JAKMIP1: variants seen among roughly 807,000 people sequenced by gnomAD.
The protein encoded by JAKMIP1 is janus kinase and microtubule-interacting protein 1.
JAKMIP1 carries 33 observed loss-of-function variants against 113.0 expected under a neutral mutation model. The observed-to-expected ratio is 0.29, with a 90% confidence interval of 0.22 to 0.39. The LOEUF (loss-of-function observed/expected upper bound fraction) is 0.39. Among genes scored for constraint, JAKMIP1 ranks in the 10% least tolerant of loss-of-function variants. The pLI, the probability that JAKMIP1 is intolerant of heterozygous loss-of-function variation, is 1.00. For missense variants in JAKMIP1, 813 were observed against 1,080.5 expected, an observed-to-expected ratio of 0.75 and a Z score of 3.47; for synonymous variants, 480 against 459.9, an observed-to-expected ratio of 1.04 and a Z score of -0.56.
chr4:6,079,316 G>A (rs528477295), intron 7 of JAKMIP1, among the ~76,000 whole-genome samples: 23 of 152,320 alleles, frequency 1.5e-4, no homozygotes, highest in African/African-American at 4.8e-4. Context: ...GAAAGAATGG[G>A]TGAGTGGATG....
intron 18 of JAKMIP1, among the ~76,000 whole-genome samples, chr4:6,037,732 ACCG>A (rs1713710620): frequency 7.2e-6 from 1 of 138,634 alleles, no homozygotes; most frequent in African/African-American, 2.8e-5. Context: ...GCCCTCCATC[ACCG>A]AGGCAGAGGC....
chr4:6,087,071 A>C (rs1721409447), intron 3 of JAKMIP1, among the ~76,000 whole-genome samples: 1 of 152,238 alleles, frequency 6.6e-6, no homozygotes, highest in Non-Finnish European at 1.5e-5. Context: ...CGGCAGCTGC[A>C]AGGAAACAGA....
chr4:6,051,256 C>G lies in JAKMIP1; in HGVS notation c.1807-577G>C, dbSNP rs1233651170. On this transcript the variant is annotated intron_variant, in intron 13 of 20. Coordinates refer to ENST00000409021, the MANE Select transcript of JAKMIP1 (RefSeq NM_001099433.2). The surrounding 1 kb of genome is among the most constrained non-coding windows in gnomAD (Gnocchi z 5.0). ...TTTTTTTTTGAGAGGGTGTTCTGTT[C>G]TTGTCGCCCAGGCTGGAGTGCAATG... 7.7e-6 allele frequency among the ~76,000 whole-genome samples: 1 copy of G among 129,330 alleles called. No individual in the cohort carries two copies. The highest frequency in any genetic ancestry group is 1.6e-5 in the Non-Finnish European group (1 of 61,790). The allele number at this position is 129,330 out of a possible 152,430, so 84.8% of individuals were successfully genotyped here.
Position 6,065,127 on chromosome 4 carries a change from A to G in JAKMIP1, c.1303-119T>C. The G allele has an allele frequency of 8.0e-7, 1 of 1,253,560 alleles. No homozygotes were observed. The highest frequency in any genetic ancestry group is 2.3e-5 in the East Asian group (1 of 42,940). 77.7% of individuals were successfully genotyped at this position (1,253,560 alleles called of 1,614,324 possible). ...TGATTGACATTTGGGCCACTGGGGCATCACAAGATGCGGTTGGTGGGCTTC... is the reference window on the plus strand; with the variant it reads ...TGATTGACATTTGGGCCACTGGGGCGTCACAAGATGCGGTTGGTGGGCTTC... On this transcript the variant is annotated intron_variant, in intron 8 of 20. Transcript: ENST00000409021. This position sits in a 1 kb window ranked among gnomAD's most constrained non-coding sequence, Gnocchi z 5.1.
chr4:6,091,072 T>C (rs1722002946), intron 3 of JAKMIP1, among the ~76,000 whole-genome samples: 1 of 152,208 alleles, frequency 6.6e-6, no homozygotes, highest in Non-Finnish European at 1.5e-5. Flanking sequence ...GACAAAGAAA[T>C]GAAACCAGCA....
At chr4:6,177,223 A>C (rs548685884) in intron 1 of JAKMIP1, among the ~76,000 whole-genome samples, 1 of 152,304 alleles carries the variant, frequency 6.6e-6, no homozygotes, top group Non-Finnish European at 1.5e-5. Flanking sequence ...GTAGAGAAGA[A>C]GTGAGCTCCA....
rs990112193 is a variant in JAKMIP1 at position 6,197,648 on chromosome 4, G to A, written c.-148+2605C>T. ...GAGAGGAGTGACCCAGCAGAACTGG[G>A]ACACACTGCAGTCATCCTCAGACTC... On this transcript the variant is annotated intron_variant, in intron 1 of 20. Coordinates refer to ENST00000409021, the MANE Select transcript of JAKMIP1 (RefSeq NM_001099433.2). The surrounding 1 kb of genome is among the most constrained non-coding windows in gnomAD (Gnocchi z 6.5). 3.9e-5 allele frequency among the ~76,000 whole-genome samples: 6 copies of A among 152,176 alleles called. No homozygotes were observed. Among genetic ancestry groups the A allele is most frequent in the African/African-American group, 1.4e-4 (6 of 41,452 alleles).
intron 16 of JAKMIP1, among the ~76,000 whole-genome samples, chr4:6,048,431 G>C (rs1449002523): frequency 2.0e-5 from 3 of 152,218 alleles, no homozygotes. Context: ...ACAGCTAAGA[G>C]GGGCTGAAGT....
At position 6,105,567 on chromosome 4, in the gene JAKMIP1, T is replaced by C; in HGVS notation, c.530A>G (p.Lys177Arg). Residue 177 changes from lysine (K) to arginine (R), a missense_variant, in exon 3 of 21, where the codon AAG (lysine) becomes AGG (arginine). Physicochemically the swap from Lys to Arg is conservative, Grantham distance 26 (BLOSUM62 2). This residue lies in a region of JAKMIP1 where 540 missense variants were observed against 653.9 expected (regional missense o/e 0.83). Transcript: ENST00000409021. Reference sequence around the variant, plus strand: ...GGCACGCAGGTCGGCTGCCTTGGTCTTGTCAGCCTGCATGCAGTTACTGAG... The same window carrying C: ...GGCACGCAGGTCGGCTGCCTTGGTCCTGTCAGCCTGCATGCAGTTACTGAG... Reference protein sequence around the residue: ...EALSNCMQADKTKAADLRAAY... With the variant: ...EALSNCMQADRTKAADLRAAY... 6.2e-7 allele frequency: 1 copy of C among 1,602,224 alleles called. No homozygotes were observed. The highest frequency in any genetic ancestry group is 8.5e-7 in the Non-Finnish European group (1 of 1,174,578).
intron 5 of JAKMIP1, among the ~76,000 whole-genome samples, chr4:6,083,272 G>T: frequency 6.6e-6 from 1 of 151,824 alleles, no homozygotes; most frequent in African/African-American, 2.4e-5. Flanking sequence ...GTGTGTTGGC[G>T]GGTGCCTGTA....
At chr4:6,122,221 A>T (rs1301295859) in intron 1 of JAKMIP1, among the ~76,000 whole-genome samples, 1 of 152,204 alleles carries the variant, frequency 6.6e-6, no homozygotes, top group Admixed American at 6.5e-5. Context: ...AACTGTTCAG[A>T]AGGCCGAGGC....
Position 6,129,498 on chromosome 4 carries a change from T to C in JAKMIP1, c.-147-16501A>G, listed in dbSNP as rs1718210391. Among the ~76,000 whole-genome samples, 1 of 152,138 alleles carries C rather than the reference T, an allele frequency of 6.6e-6. No individual in the cohort carries two copies. Among genetic ancestry groups the C allele is most frequent in the South Asian group, 2.1e-4 (1 of 4,824 alleles). On this transcript the variant is annotated intron_variant, in intron 1 of 20. Coordinates refer to ENST00000409021, the MANE Select transcript of JAKMIP1 (RefSeq NM_001099433.2). The surrounding 1 kb of genome is among the most constrained non-coding windows in gnomAD (Gnocchi z 5.4). ...GTTAAACACATCACCCCATTATCTG[T>C]TCAGCACAAGTTTGTGCCATGTCTC...
chr4:6,127,195 C>T (rs755642204), intron 1 of JAKMIP1, among the ~76,000 whole-genome samples: 1 of 152,192 alleles, frequency 6.6e-6, no homozygotes, highest in African/African-American at 2.4e-5. Context: ...CAGCGAGCCC[C>T]GTCCACCTCA....
At chr4:6,165,247 T>C (rs1723479896) in intron 1 of JAKMIP1, among the ~76,000 whole-genome samples, 1 of 152,240 alleles carries the variant, frequency 6.6e-6, no homozygotes, top group Admixed American at 6.5e-5. Flanking sequence ...AAAGCTCAGA[T>C]AGTCATCAGC....
Position 6,197,229 on chromosome 4 carries a change from C to T in JAKMIP1, c.-148+3024G>A, listed in dbSNP as rs1304150169. On this transcript the variant is annotated intron_variant, in intron 1 of 20. Coordinates refer to ENST00000409021, the MANE Select transcript of JAKMIP1 (RefSeq NM_001099433.2). The surrounding 1 kb of genome is among the most constrained non-coding windows in gnomAD (Gnocchi z 6.5). ...CACTGTCAGTAGGGTGGGAGCTGGT[C>T]CTCAACACAGTTCCACTGACCTAGC... Among the ~76,000 whole-genome samples, 1 of 152,136 alleles carries T rather than the reference C, an allele frequency of 6.6e-6. No individual in the cohort carries two copies. The highest frequency in any genetic ancestry group is 1.5e-5 in the Non-Finnish European group (1 of 68,012).
chr4:6,073,882 T>C (rs1000453763), intron 8 of JAKMIP1, among the ~76,000 whole-genome samples: 5 of 152,228 alleles, frequency 3.3e-5, no homozygotes, highest in African/African-American at 4.8e-5. Context: ...CCATTATGCA[T>C]ATGCTTAGAA....
rs1468764477 is a variant in JAKMIP1 at position 6,168,684 on chromosome 4, A to G, written c.-148+31569T>C. Among the ~76,000 whole-genome samples, 1 of 152,054 alleles carries G rather than the reference A, an allele frequency of 6.6e-6. No individual in the cohort carries two copies. The highest frequency in any genetic ancestry group is 2.4e-5 in the African/African-American group (1 of 41,394). On this transcript the variant is annotated intron_variant, in intron 1 of 20. Transcript: ENST00000409021. The surrounding 1 kb of genome is among the most constrained non-coding windows in gnomAD (Gnocchi z 4.6). Reference sequence around the variant, plus strand: ...GGCGGGCAGATTTTTTGAGTCCAAGAGTCCAAGACCAGCTTGGACAGGATG... The same window carrying G: ...GGCGGGCAGATTTTTTGAGTCCAAGGGTCCAAGACCAGCTTGGACAGGATG...
chr4:6,097,794 G>C lies in JAKMIP1; in HGVS notation c.624+7679C>G, dbSNP rs951358827. Among the ~76,000 whole-genome samples the C allele has an allele frequency of 6.6e-6, 1 of 152,172 alleles. No homozygotes were observed. Among genetic ancestry groups the C allele is most frequent in the Non-Finnish European group, 1.5e-5 (1 of 68,038 alleles). ...ATTCCATGGGAAAAGCCAGGCCCAC[G>C]CTTCCTTAGGCAGCTTGGAGAAACG... is the stretch of plus-strand genomic sequence containing the variant. On this transcript the variant is annotated intron_variant, in intron 3 of 20. Transcript: ENST00000409021. This position sits in a 1 kb window ranked among gnomAD's most constrained non-coding sequence, Gnocchi z 4.3.
Position 6,197,846 on chromosome 4 carries a change from T to C in JAKMIP1, c.-148+2407A>G, listed in dbSNP as rs1391354312. Among the ~76,000 whole-genome samples the C allele has an allele frequency of 6.6e-6, 1 of 152,212 alleles. No homozygotes were observed. The highest frequency in any genetic ancestry group is 1.5e-5 in the Non-Finnish European group (1 of 68,034). On this transcript the variant is annotated intron_variant, in intron 1 of 20. Coordinates refer to ENST00000409021, the MANE Select transcript of JAKMIP1 (RefSeq NM_001099433.2). This position sits in a 1 kb window ranked among gnomAD's most constrained non-coding sequence, Gnocchi z 6.5. ...AGATAGCCATAGCCTGCAGTGGCAATTGCTGCTGGCTTAAGCATTAGAAAT... is the reference window on the plus strand; with the variant it reads ...AGATAGCCATAGCCTGCAGTGGCAACTGCTGCTGGCTTAAGCATTAGAAAT...
Sources: gnomAD v4.1 joint callset for allele counts (sites outside exome capture counted in the v4.1 genomes callset) on GRCh38, gnomAD v4.1.1 for gene constraint, gnomAD v4.1.1 regional missense constraint, Gnocchi (gnomAD v3.1) non-coding constraint, MANE v1.5 for transcripts, NCBI Gene and HGNC (gene_info 2026-07-23, HGNC 2026-07-21) for gene names.